The following HS3ST3A1 variants were observed in gnomAD, a reference collection of about 807,000 sequenced individuals.
HS3ST3A1 encodes heparan sulfate glucosamine 3-O-sulfotransferase 3A1.
Under a neutral mutation model 25.7 loss-of-function variants are expected in HS3ST3A1, and 19 were observed. The ratio of observed to expected loss-of-function variants is 0.74; its 90% confidence interval spans 0.52 to 1.08. The LOEUF is 1.08. Among genes scored for constraint, HS3ST3A1 ranks in the 50% least tolerant of loss-of-function variants. The pLI, the probability that HS3ST3A1 is intolerant of heterozygous loss-of-function variation, is 0.00. For missense variants in HS3ST3A1, 459 were observed against 594.3 expected, an observed-to-expected ratio of 0.77 and a Z score of 2.37; for synonymous variants, 226 against 278.6, an observed-to-expected ratio of 0.81 and a Z score of 1.88.
At chr17:13,550,270 A>T (rs866463993) in intron 1 of HS3ST3A1, among the ~76,000 whole-genome samples, 13 of 152,282 alleles carry the variant, frequency 8.5e-5, no homozygotes, top group Middle Eastern at 3.4e-3. Context: ...CTGGCTGTTC[A>T]CCCAGCCTAT....
intron 1 of HS3ST3A1, among the ~76,000 whole-genome samples, chr17:13,522,419 G>C (rs910682537): frequency 6.6e-6 from 1 of 151,940 alleles, no homozygotes; most frequent in African/African-American, 2.4e-5. Context: ...ACAACTAATG[G>C]GCACTTTGTT....
At chr17:13,562,507 G>T (rs1027433691) in intron 1 of HS3ST3A1, among the ~76,000 whole-genome samples, 1 of 152,182 alleles carries the variant, frequency 6.6e-6, no homozygotes, top group Non-Finnish European at 1.5e-5. Flanking sequence ...TCCTGGGATT[G>T]AATGGCCCTA....
rs1047604139 is a variant in HS3ST3A1 at position 13,601,779 on chromosome 17, C to T, written c.-650G>A. ...GGAGGCCCGTGCAGAGCCGTCCACCCCTCTCCGTAGCGCCGGGTTGCTCCA... is the reference window on the plus strand; with the variant it reads ...GGAGGCCCGTGCAGAGCCGTCCACCTCTCTCCGTAGCGCCGGGTTGCTCCA... On this transcript the variant is annotated 5_prime_UTR_variant, in exon 1 of 2. Coordinates refer to ENST00000284110, the MANE Select transcript of HS3ST3A1 (RefSeq NM_006042.3). 5 of 153,110 alleles carry T rather than the reference C, an allele frequency of 3.3e-5. No individual in the cohort carries two copies. Among genetic ancestry groups the T allele is most frequent in the African/African-American group, 7.2e-5 (3 of 41,594 alleles). The allele number at this position is 153,110 out of a possible 1,614,324, so 9.5% of individuals were successfully genotyped here.
chr17:13,516,630 C>T (rs1325318343), intron 1 of HS3ST3A1, among the ~76,000 whole-genome samples: 1 of 152,160 alleles, frequency 6.6e-6, no homozygotes, highest in African/African-American at 2.4e-5. Flanking sequence ...TTAATTTTTA[C>T]TGTTATTGTG....
chr17:13,497,214 A>G (rs1355239598), intron 1 of HS3ST3A1, among the ~76,000 whole-genome samples: 2 of 152,224 alleles, frequency 1.3e-5, no homozygotes, highest in African/African-American at 2.4e-5. Flanking sequence ...CTGCTATGAG[A>G]TAGTATTAAA....
In HS3ST3A1 at chr17:13,497,810, T is replaced by A. The variant is rs1398672541; in HGVS notation, c.600-992A>T. On this transcript the variant is annotated intron_variant, in intron 1 of 1. Coordinates refer to ENST00000284110, the MANE Select transcript of HS3ST3A1 (RefSeq NM_006042.3). ...TGTAGTTTTGACTTCTCTTTTAATG[T>A]AGGCATTATCTAGGATTATATTGTA... 3.3e-5 allele frequency among the ~76,000 whole-genome samples: 5 copies of A among 152,382 alleles called. No individual in the cohort carries two copies. The East Asian group carries it at 9.6e-4, about 29-fold the overall frequency.
At chr17:13,498,924 C>G (rs1204340387) in intron 1 of HS3ST3A1, among the ~76,000 whole-genome samples, 1 of 149,512 alleles carries the variant, frequency 6.7e-6, no homozygotes, top group African/African-American at 2.5e-5. Flanking sequence ...TTAGCCCATA[C>G]TCAGATTTCC....
intron 1 of HS3ST3A1, among the ~76,000 whole-genome samples, chr17:13,552,951 T>C (rs752323754): frequency 3.4e-4 from 52 of 152,282 alleles, no homozygotes; most frequent in Admixed American, 8.5e-4. Flanking sequence ...GAAGGAGAAT[T>C]ATAATTGACT....
chr17:13,535,779 G>A (rs1473234868), intron 1 of HS3ST3A1, among the ~76,000 whole-genome samples: 1 of 152,106 alleles, frequency 6.6e-6, no homozygotes, highest in Non-Finnish European at 1.5e-5. Flanking sequence ...ATATGTATAA[G>A]TCAGAAACAC....
intron 1 of HS3ST3A1, among the ~76,000 whole-genome samples, chr17:13,576,966 T>C (rs1390402235): frequency 1.3e-5 from 2 of 152,216 alleles, no homozygotes; most frequent in African/African-American, 4.8e-5. Context: ...GGAAAGAGAT[T>C]TAATGGACTT....
intron 1 of HS3ST3A1, among the ~76,000 whole-genome samples, chr17:13,599,047 G>A (rs940127775): frequency 3.3e-5 from 5 of 152,006 alleles, no homozygotes; most frequent in African/African-American, 7.3e-5. Context: ...CTTCTTTCTC[G>A]TGTCCTTGAT....
At chr17:13,580,641 C>T (rs1446562271) in intron 1 of HS3ST3A1, among the ~76,000 whole-genome samples, 1 of 152,168 alleles carries the variant, frequency 6.6e-6, no homozygotes, top group Admixed American at 6.5e-5. Context: ...GCCTGTTATA[C>T]TAACACTTTG....
intron 1 of HS3ST3A1, among the ~76,000 whole-genome samples, chr17:13,544,686 A>T (rs2142348900): frequency 6.6e-6 from 1 of 152,180 alleles, no homozygotes; most frequent in Admixed American, 6.5e-5. Context: ...GCTCCTTGGA[A>T]CAAGAGTAAT....
intron 1 of HS3ST3A1, among the ~76,000 whole-genome samples, chr17:13,575,242 G>A (rs1483360887): frequency 6.6e-6 from 1 of 152,048 alleles, no homozygotes; most frequent in Non-Finnish European, 1.5e-5. Context: ...CCATCAAATT[G>A]CAAACTCCTA....
Position 13,600,705 on chromosome 17 carries a change from G to C in HS3ST3A1, c.425C>G (p.Ala142Gly), listed in dbSNP as rs973458216. ...CTTGCTGCCTTCGTCCAGGAGCAGC[G>C]CCAGGGTCCCCGGCGGGGCCTCGGC... ...TVAEAPPGTL[A>G]LLLDEGSKQL... The change falls in exon 1 of 2, where the codon GCG becomes GGG. Residue 142 changes from alanine to glycine, a missense_variant. Physicochemically the swap from Ala to Gly is moderately conservative, Grantham distance 60. Around this residue, in one of 3 missense-constraint regions of HS3ST3A1, gnomAD observed 346 missense variants for 303.9 expected, o/e 1.14. Transcript: ENST00000284110. The C allele has an allele frequency of 8.3e-6, 13 of 1,567,080 alleles. No individual in the cohort carries two copies. The South Asian group carries it at 1.3e-4, about 15-fold the overall frequency.
At chr17:13,548,008 T>C (rs1156992656) in intron 1 of HS3ST3A1, among the ~76,000 whole-genome samples, 2 of 151,032 alleles carry the variant, frequency 1.3e-5, no homozygotes, top group Admixed American at 6.6e-5. Context: ...CACAGCACAG[T>C]AGTCCTGATT....
Position 13,601,200 on chromosome 17 carries a change from C to T in HS3ST3A1, c.-71G>A, listed in dbSNP as rs1908729821. The T allele has an allele frequency of 1.7e-6, 2 of 1,205,974 alleles. No individual in the cohort carries two copies. The allele number at this position is 1,205,974 out of a possible 1,614,324, so 74.7% of individuals were successfully genotyped here. A position where few individuals can be genotyped will look rare whatever the true frequency, so the allele number is the denominator to read the frequency against. On this transcript the variant is annotated 5_prime_UTR_variant, in exon 1 of 2. Coordinates refer to ENST00000284110, the MANE Select transcript of HS3ST3A1 (RefSeq NM_006042.3). ...TGGACCCCGACAGGTGCCAGAGCAT[C>T]CCCCCGGCGGGCCAGCGCGCTGGAC...
intron 1 of HS3ST3A1, among the ~76,000 whole-genome samples, chr17:13,574,076 C>T (rs911707074): frequency 2.6e-5 from 4 of 151,880 alleles, no homozygotes; most frequent in Non-Finnish European, 5.9e-5. Context: ...AGTTCTCACC[C>T]CAGTACTCTC....
intron 1 of HS3ST3A1, among the ~76,000 whole-genome samples, chr17:13,546,915 T>C (rs1384802988): frequency 6.6e-6 from 1 of 152,042 alleles, no homozygotes; most frequent in Non-Finnish European, 1.5e-5. Context: ...ACTCTAAAAC[T>C]TTTCAGACCT....
Sources: allele counts gnomAD v4.1 joint callset (sites outside exome capture counted in the v4.1 genomes callset), GRCh38; gene constraint gnomAD v4.1.1; regional missense constraint gnomAD v4.1.1; transcripts MANE v1.5; gene names NCBI Gene and HGNC (gene_info 2026-07-23, HGNC 2026-07-21).